Variants in ARHGAP39 observed in about 807,000 individuals in gnomAD.
ARHGAP39 encodes the protein Rho GTPase activating protein 39, also known as rho GTPase-activating protein 39.
A neutral mutation model predicts 106.9 loss-of-function variants in ARHGAP39; 44 were observed. That is an observed-to-expected ratio of 0.41 (90% CI 0.32 to 0.53). The LOEUF (loss-of-function observed/expected upper bound fraction) is 0.53. ARHGAP39 is among the 20% of genes least tolerant of loss of function. The probability of loss-of-function intolerance (pLI) is 0.21; values close to 1 mark genes in which losing one functional copy is unlikely to be tolerated. For missense variants in ARHGAP39, 1,496 were observed against 1,577.3 expected (o/e 0.95, Z 0.87); for synonymous variants, 768 against 693.2 (o/e 1.11, Z -1.69).
intron 7 of ARHGAP39, among the ~76,000 whole-genome samples, chr8:144,537,060 G>A (rs1218825113): frequency 2.0e-5 from 3 of 152,184 alleles, no homozygotes; most frequent in East Asian, 1.9e-4. Context: ...GTGTGAGCGC[G>A]GAGCTGACTT....
intron 1 of ARHGAP39, among the ~76,000 whole-genome samples, chr8:144,632,644 A>G (rs1181628512): frequency 6.6e-6 from 1 of 152,164 alleles, no homozygotes; most frequent in Non-Finnish European, 1.5e-5. Context: ...ATTGCCACCA[A>G]CTGGCCAAAC....
At chr8:144,606,351 C>T (rs751913856) in intron 1 of ARHGAP39, among the ~76,000 whole-genome samples, 2 of 152,226 alleles carry the variant, frequency 1.3e-5, no homozygotes, top group Non-Finnish European at 2.9e-5. Context: ...AACCAACCCC[C>T]TTCCTCTTCC....
intron 2 of ARHGAP39, among the ~76,000 whole-genome samples, chr8:144,588,816 C>T (rs1423468584): frequency 6.6e-6 from 1 of 152,262 alleles, no homozygotes; most frequent in East Asian, 1.9e-4. Context: ...CGCGCCGTGA[C>T]ATGAGAGCAG....
chr8:144,685,206 A>G (rs1385282254), intron 1 of ARHGAP39, among the ~76,000 whole-genome samples: 3 of 132,176 alleles, frequency 2.3e-5, no homozygotes, highest in Non-Finnish European at 4.8e-5. Flanking sequence ...ACACACCCAC[A>G]CTCCCCTCGG....
At chr8:144,643,354 C>T (rs939630610) in intron 1 of ARHGAP39, among the ~76,000 whole-genome samples, 5 of 151,912 alleles carry the variant, frequency 3.3e-5, no homozygotes, top group South Asian at 2.1e-4. Flanking sequence ...CTTGGGAGGC[C>T]GAGTGGGAGG....
chr8:144,556,029 G>T (rs1484566459), intron 3 of ARHGAP39, among the ~76,000 whole-genome samples: 5 of 152,344 alleles, frequency 3.3e-5, no homozygotes, highest in Middle Eastern at 3.4e-3. Flanking sequence ...CTCACGCCTG[G>T]AATCCCAGCA....
upstream of ARHGAP39, among the ~76,000 whole-genome samples, chr8:144,686,662 C>G (rs1195303042): frequency 6.6e-6 from 1 of 152,210 alleles, no homozygotes; most frequent in Non-Finnish European, 1.5e-5. Flanking sequence ...CTCAGGAGAT[C>G]TCCCGTCGGG....
chr8:144,605,392 G>A (rs1586607919), intron 2 of ARHGAP39, 143 bp downstream of exon 2: 9 of 836,292 alleles, frequency 1.1e-5, no homozygotes, highest in East Asian at 2.7e-5. Flanking sequence ...AGGTGGCATC[G>A]GCCATCCAGG....
At chr8:144,601,924 T>G (rs1441663909) in intron 2 of ARHGAP39, among the ~76,000 whole-genome samples, 1 of 143,044 alleles carries the variant, frequency 7.0e-6, no homozygotes, top group Non-Finnish European at 1.5e-5. Context: ...TACCTGTGTG[T>G]GTGCATGGAG....
intron 2 of ARHGAP39, among the ~76,000 whole-genome samples, chr8:144,590,093 C>G (rs1819334286): frequency 6.6e-6 from 1 of 152,238 alleles, no homozygotes; most frequent in African/African-American, 2.4e-5. Flanking sequence ...GTGGGCTCAC[C>G]AGGGACACCA....
Position 144,547,855 on chromosome 8 carries a change from G to A in ARHGAP39, c.1231C>T (p.Arg411Cys), listed in dbSNP as rs1329042013. 5 of 1,585,998 alleles carry A rather than the reference G, an allele frequency of 3.2e-6. No homozygotes were observed. The highest frequency in any genetic ancestry group is 1.8e-5 in the Admixed American group (1 of 56,074). The change falls in exon 5 of 12, where the codon CGC (arginine) becomes TGC (cysteine). Residue 411 changes from arginine (R) to cysteine (C), a missense_variant. Around this residue, in one of 4 missense-constraint regions of ARHGAP39, gnomAD observed 905 missense variants for 816.4 expected, o/e 1.11. Coordinates refer to ENST00000377307, the MANE Select transcript of ARHGAP39 (RefSeq NM_025251.3). The surrounding 1 kb of genome is among the most constrained non-coding windows in gnomAD (Gnocchi z 5.2). ...GCGTACTTGTGCCGCGGGCCGGCGC[G>A]CAGCTTGGGGCTGGAGCCCGCCTGC... Reference protein sequence around the residue: ...VEQAGSSPKLRAGPRHKYAPN... With the variant: ...VEQAGSSPKLCAGPRHKYAPN...
chr8:144,653,851 A>T (rs1821631383), intron 1 of ARHGAP39, among the ~76,000 whole-genome samples: 2 of 152,236 alleles, frequency 1.3e-5, no homozygotes, highest in Non-Finnish European at 2.9e-5. Context: ...CTCCTGTTGG[A>T]ATAACTAGAA....
intron 1 of ARHGAP39, among the ~76,000 whole-genome samples, chr8:144,650,223 G>A (rs1821541166): frequency 6.6e-6 from 1 of 151,902 alleles, no homozygotes; most frequent in Non-Finnish European, 1.5e-5. Context: ...TCCCTAAACA[G>A]ACAATTAACA....
intron 3 of ARHGAP39, among the ~76,000 whole-genome samples, chr8:144,573,964 A>G (rs1818674690): frequency 1.3e-5 from 2 of 151,816 alleles, no homozygotes; most frequent in African/African-American, 2.4e-5. Flanking sequence ...CTTGAGACCA[A>G]GAGTTTGAGA....
intron 3 of ARHGAP39, among the ~76,000 whole-genome samples, chr8:144,580,123 TA>T (rs1014992536): frequency 1.3e-5 from 2 of 152,100 alleles, no homozygotes; most frequent in Non-Finnish European, 2.9e-5. Flanking sequence ...CCTTGCGCTC[TA>T]CCCTGACCTC....
chr8:144,561,807 C>T lies in ARHGAP39; in HGVS notation c.513-6164G>A, dbSNP rs565125006. Among the ~76,000 whole-genome samples the T allele has an allele frequency of 1.5e-4, 20 of 131,910 alleles. 2 individuals carry two copies. Among genetic ancestry groups the T allele is most frequent in the African/African-American group, 6.7e-4 (19 of 28,444 alleles). 86.5% of individuals were successfully genotyped at this position (131,910 alleles called of 152,430 possible). On this transcript the variant is annotated intron_variant, in intron 3 of 11. Transcript: ENST00000377307. ...CAGTGGTTTCCATCGGACCCCAGTG[C>T]TTTCCATCACATCCCAGTGGTTTCC... is the stretch of plus-strand genomic sequence containing the variant.
intron 2 of ARHGAP39, among the ~76,000 whole-genome samples, chr8:144,594,790 C>CA (rs1212079591): frequency 6.6e-6 from 1 of 151,562 alleles, no homozygotes; most frequent in East Asian, 1.9e-4. Flanking sequence ...GAGGCTGAGG[C>CA]ATGAGAATCA....
chr8:144,578,371 G>C (rs746068359), intron 3 of ARHGAP39, among the ~76,000 whole-genome samples: 2 of 152,142 alleles, frequency 1.3e-5, no homozygotes, highest in Non-Finnish European at 2.9e-5. Flanking sequence ...TGGGATTACA[G>C]GTGTGAACAA....
Position 144,570,290 on chromosome 8 carries a change from TA to T in ARHGAP39, c.512+10555del, listed in dbSNP as rs545997218. On this transcript the variant is annotated intron_variant, in intron 3 of 11. Coordinates refer to ENST00000377307, the MANE Select transcript of ARHGAP39 (RefSeq NM_025251.3). ...CCGAGCAGAACGTGAGATGATGAACTAAATCCTCTTGTTGCATCAGCAATCT... is the reference window on the plus strand; with the variant it reads ...CCGAGCAGAACGTGAGATGATGAACTAATCCTCTTGTTGCATCAGCAATCT... Among the ~76,000 whole-genome samples the T allele has an allele frequency of 1.5e-4, 23 of 152,242 alleles. No homozygotes were observed. In the South Asian group the frequency reaches 4.1e-3, roughly 27 times the overall value.
Sources: gnomAD v4.1 joint callset for allele counts (sites outside exome capture counted in the v4.1 genomes callset) on GRCh38, gnomAD v4.1.1 for gene constraint, gnomAD v4.1.1 regional missense constraint, Gnocchi (gnomAD v3.1) non-coding constraint, MANE v1.5 for transcripts, NCBI Gene and HGNC (gene_info 2026-07-23, HGNC 2026-07-21) for gene names.